Variants in CELF2 observed in about 807,000 individuals in gnomAD.
CELF2 encodes the protein CUGBP Elav-like family member 2.
A neutral mutation model predicts 62.6 loss-of-function variants in CELF2; 8 were observed. The observed-to-expected ratio is 0.13, with a 90% CI of 0.07 to 0.23. The LOEUF is 0.23. Ranked by LOEUF, CELF2 falls within the 10% of genes least tolerant of loss-of-function variation. The pLI is 1.00. For synonymous variants in CELF2, 258 were observed against 250.0 expected, an observed-to-expected ratio of 1.03 and a Z score of -0.30; for missense variants, 333 against 671.0, an observed-to-expected ratio of 0.50 and a Z score of 5.56.
upstream of CELF2, chr10:10,798,280 C>T (rs2054282320): frequency 1.3e-5 from 2 of 152,878 alleles, no homozygotes; most frequent in Admixed American, 6.5e-5. Context: ...AGGAAAGAAA[C>T]CTAACCAGTC....
At chr10:10,839,583 G>A (rs533342505) in intron 1 of CELF2, among the ~76,000 whole-genome samples, 6 of 152,290 alleles carry the variant, frequency 3.9e-5, no homozygotes, top group South Asian at 2.1e-4. Context: ...TATTTCACTC[G>A]TTTCAGAAGT....
chr10:11,211,791 TGAGAGA>T lies in CELF2; in HGVS notation c.272-5616_272-5611del, dbSNP rs144030698. Reference sequence around the variant, plus strand: ...GAGTGAGAGTGTGTGTGTATGTGTGTGAGAGAGAGAGAGAGAGAGAGAGTGTGTGTG... The same window carrying T: ...GAGTGAGAGTGTGTGTGTATGTGTGTGAGAGAGAGAGAGAGAGTGTGTGTG... On this transcript the variant is annotated intron_variant, in intron 2 of 12. Transcript: ENST00000633077. The surrounding 1 kb of genome is among the most constrained non-coding windows in gnomAD (Gnocchi z 4.8). Among the ~76,000 whole-genome samples, 990 of 135,608 alleles carry T rather than the reference TGAGAGA, an allele frequency of 7.3e-3. 9 individuals carry two copies. Among genetic ancestry groups the T allele is most frequent in the African/African-American group, 9.8e-3 (343 of 34,856 alleles). 89.0% of individuals were successfully genotyped at this position (135,608 alleles called of 152,430 possible). A position where few individuals can be genotyped will look rare whatever the true frequency, so the allele number is the denominator to read the frequency against.
At chr10:10,568,322 T>A in the CELF2 span, among the ~76,000 whole-genome samples, 1 of 151,654 alleles carries the variant, frequency 6.6e-6, no homozygotes. Context: ...AAAAAAAAAG[T>A]AAGTGAAGAA....
intron 1 of CELF2, among the ~76,000 whole-genome samples, chr10:11,054,961 T>G (rs2064891882): frequency 6.6e-6 from 1 of 152,190 alleles, no homozygotes; most frequent in Non-Finnish European, 1.5e-5. Flanking sequence ...ATGATCCACC[T>G]GCCTCGGCCC....
intron 1 of CELF2, among the ~76,000 whole-genome samples, chr10:11,025,354 G>A (rs771604050): frequency 6.6e-6 from 1 of 152,096 alleles, no homozygotes; most frequent in Non-Finnish European, 1.5e-5. Flanking sequence ...CACGTGTCAA[G>A]GGAGAGAGCA....
At chr10:10,577,364 T>TTTTTTA in the CELF2 span, among the ~76,000 whole-genome samples, 12 of 141,404 alleles carry the variant, frequency 8.5e-5, no homozygotes, top group African/African-American at 3.1e-4. Flanking sequence ...AACAAATCTT[T>TTTTTTA]TTATTATTAT....
At chr10:10,615,471 G>A in the CELF2 span, among the ~76,000 whole-genome samples, 22 of 152,154 alleles carry the variant, frequency 1.4e-4, no homozygotes, top group East Asian at 1.4e-3. Context: ...ACATTTCTGC[G>A]CTTTGTGGTA....
At position 10,996,276 on chromosome 10, in the gene CELF2, C is replaced by T. The variant is rs796508922; in HGVS notation, c.89+76277C>T. On this transcript the variant is annotated intron_variant, in intron 2 of 13. Coordinates refer to the CELF2 transcript ENST00000636488. Reference sequence around the variant, plus strand: ...GCTGGGTGCAGTGCCCCTACTCCAGCCCCCTAGCCCTGTTACTTTTTAGTT... The same window carrying T: ...GCTGGGTGCAGTGCCCCTACTCCAGTCCCCTAGCCCTGTTACTTTTTAGTT... Among the ~76,000 whole-genome samples, 44 of 152,320 alleles carry T rather than the reference C, an allele frequency of 2.9e-4. 1 individual carries two copies. The highest frequency in any genetic ancestry group is 1.0e-3 in the African/African-American group (43 of 41,574).
intron 1 of CELF2, among the ~76,000 whole-genome samples, chr10:11,029,479 G>T (rs1327638382): frequency 6.6e-6 from 1 of 152,180 alleles, no homozygotes; most frequent in African/African-American, 2.4e-5. Context: ...TCCACGACGG[G>T]CCAGGGGAAT....
chr10:10,721,028 GTGA>G, the CELF2 span, among the ~76,000 whole-genome samples: 2 of 152,232 alleles, frequency 1.3e-5, no homozygotes, highest in Non-Finnish European at 2.9e-5. Flanking sequence ...CATTAGACAG[GTGA>G]TGTTTTAGTC....
At chr10:10,862,127 T>C (rs10508418) in intron 1 of CELF2, among the ~76,000 whole-genome samples, 2,356 of 152,310 alleles carry the variant, frequency 0.015, 74 homozygotes, top group African/African-American at 0.054. Flanking sequence ...CAGATGGTAA[T>C]GAATAGAAGA....
Position 10,995,158 on chromosome 10 carries a change from G to T in CELF2, c.89+75159G>T, listed in dbSNP as rs983676803. ...TCCTTAAGGGCAGGAGCTATGCCCC[G>T]TGCCTCTTTTGAATCCTCCTTAGAG... On this transcript the variant is annotated intron_variant, in intron 2 of 13. Transcript: ENST00000636488. The surrounding 1 kb of genome is among the most constrained non-coding windows in gnomAD (Gnocchi z 4.7). Among the ~76,000 whole-genome samples, 2 of 152,152 alleles carry T rather than the reference G, an allele frequency of 1.3e-5. No homozygotes were observed. Among genetic ancestry groups the T allele is most frequent in the Non-Finnish European group, 2.9e-5 (2 of 68,038 alleles).
chr10:10,649,970 A>C, the CELF2 span, among the ~76,000 whole-genome samples: 2 of 151,954 alleles, frequency 1.3e-5, no homozygotes, highest in Non-Finnish European at 2.9e-5. Context: ...GAGACAACAC[A>C]GCCAGGATAT....
intron 1 of CELF2, among the ~76,000 whole-genome samples, chr10:11,131,352 G>GA (rs1338883929): frequency 6.6e-6 from 1 of 152,160 alleles, no homozygotes; most frequent in East Asian, 1.9e-4. Context: ...GTCACTCGAG[G>GA]AAAGGTGCCG....
At chr10:10,923,440 G>A (rs1208952487) in intron 2 of CELF2, among the ~76,000 whole-genome samples, 3 of 152,172 alleles carry the variant, frequency 2.0e-5, no homozygotes, top group African/African-American at 7.2e-5. Context: ...AAAGCACTCC[G>A]GCCACTGGTG....
chr10:10,526,761 G>C, the CELF2 span, among the ~76,000 whole-genome samples: 1 of 152,216 alleles, frequency 6.6e-6, no homozygotes, highest in Non-Finnish European at 1.5e-5. Context: ...GAATATCATA[G>C]AGAAGACAGC....
In CELF2 at chr10:10,983,301, G is replaced by A. The variant is rs1190652294; in HGVS notation, c.89+63302G>A. On this transcript the variant is annotated intron_variant, in intron 2 of 13. Transcript: ENST00000636488. This position sits in a 1 kb window ranked among gnomAD's most constrained non-coding sequence, Gnocchi z 5.2. ...ATTTATACACATTTTAGTAAAACTA[G>A]CTGAGGGTGCTTGGGGGTAGGGTAT... 6.6e-6 allele frequency among the ~76,000 whole-genome samples: 1 copy of A among 152,122 alleles called. No individual in the cohort carries two copies. Among genetic ancestry groups the A allele is most frequent in the Non-Finnish European group, 1.5e-5 (1 of 68,018 alleles).
At position 11,217,678 on chromosome 10, in the gene CELF2, A is replaced by G. The variant is rs944151588; in HGVS notation, c.354+171A>G. 6.6e-6 allele frequency among the ~76,000 whole-genome samples: 1 copy of G among 152,166 alleles called. No individual in the cohort carries two copies. Among genetic ancestry groups the G allele is most frequent in the Non-Finnish European group, 1.5e-5 (1 of 68,024 alleles). On this transcript the variant is annotated intron_variant, in intron 3 of 12. Transcript: ENST00000633077. The surrounding 1 kb of genome is among the most constrained non-coding windows in gnomAD (Gnocchi z 5.6). ...GCCACACCAGCTGGCCAGCCCATAA[A>G]GGAGCGCTGGCATTAACACTGACGG...
chr10:10,721,324 C>A, the CELF2 span, among the ~76,000 whole-genome samples: 4 of 151,672 alleles, frequency 2.6e-5, no homozygotes, highest in African/African-American at 7.3e-5. Context: ...ATACTTAATG[C>A]ATTTTACCCC....
Sources: allele counts gnomAD v4.1 joint callset (sites outside exome capture counted in the v4.1 genomes callset), GRCh38; gene constraint gnomAD v4.1.1; non-coding constraint Gnocchi (gnomAD v3.1); transcripts MANE v1.5; gene names NCBI Gene and HGNC (gene_info 2026-07-23, HGNC 2026-07-21).